The following XKR6 variants were observed in gnomAD, a reference collection of about 807,000 sequenced individuals.
XKR6 encodes the protein XK related 6.
XKR6 carries 22 observed loss-of-function variants against 56.7 expected under a neutral mutation model. That is an observed-to-expected ratio of 0.39 (90% CI 0.28 to 0.55). XKR6 has a LOEUF of 0.55. Ranked by LOEUF, XKR6 falls within the 20% of genes least tolerant of loss-of-function variation. The pLI is 0.66. For missense variants in XKR6, 852 were observed against 889.0 expected (o/e 0.96, Z 0.53); for synonymous variants, 524 against 387.8 (o/e 1.35, Z -4.13).
At chr8:11,090,104 C>A (rs1266856702) in intron 1 of XKR6, among the ~76,000 whole-genome samples, 1 of 152,158 alleles carries the variant, frequency 6.6e-6, no homozygotes, top group Non-Finnish European at 1.5e-5. Flanking sequence ...TATTTTCCCA[C>A]ACAGAGTCTT....
At chr8:11,098,615 T>G (rs1798350404) in intron 1 of XKR6, among the ~76,000 whole-genome samples, 1 of 152,238 alleles carries the variant, frequency 6.6e-6, no homozygotes, top group African/African-American at 2.4e-5. Context: ...TTGAATTATG[T>G]TCCTGTTTCC....
intron 1 of XKR6, among the ~76,000 whole-genome samples, chr8:11,107,062 G>T (rs1798706087): frequency 6.6e-6 from 1 of 151,792 alleles, no homozygotes; most frequent in African/African-American, 2.4e-5. Context: ...GAAAGAAGAT[G>T]GAACAAACTG....
intron 1 of XKR6, among the ~76,000 whole-genome samples, chr8:11,026,375 G>T (rs113362653): frequency 7.5e-6 from 1 of 132,872 alleles, no homozygotes; most frequent in South Asian, 2.5e-4. Context: ...TAAATGGTCT[G>T]GCCTACTACA....
intron 1 of XKR6, among the ~76,000 whole-genome samples, chr8:11,110,869 C>T (rs993016418): frequency 2.0e-5 from 3 of 151,718 alleles, no homozygotes; most frequent in Admixed American, 1.3e-4. Context: ...CGGAGTCTTG[C>T]TCTGTTGCCC....
chr8:11,045,004 C>G (rs111938779), intron 1 of XKR6, among the ~76,000 whole-genome samples: 2 of 151,240 alleles, frequency 1.3e-5, no homozygotes, highest in African/African-American at 4.9e-5. Flanking sequence ...AGCTCAACTC[C>G]AGTGATCTTT....
intron 1 of XKR6, among the ~76,000 whole-genome samples, chr8:10,966,461 C>T (rs1267226128): frequency 6.6e-6 from 1 of 152,104 alleles, no homozygotes; most frequent in Non-Finnish European, 1.5e-5. Flanking sequence ...ATCACGAGGT[C>T]AGGAGATCGA....
intron 2 of XKR6, among the ~76,000 whole-genome samples, chr8:10,913,483 C>A (rs1800468124): frequency 6.6e-6 from 1 of 152,134 alleles, no homozygotes; most frequent in Non-Finnish European, 1.5e-5. Context: ...TCAGCCAAAG[C>A]CTTGATAAGG....
chr8:10,992,613 G>A (rs1798019231), intron 1 of XKR6, among the ~76,000 whole-genome samples: 1 of 152,174 alleles, frequency 6.6e-6, no homozygotes, highest in Non-Finnish European at 1.5e-5. Flanking sequence ...TTATCATGAA[G>A]GAAGACCTAG....
At chr8:11,078,988 G>A (rs1329997385) in intron 1 of XKR6, among the ~76,000 whole-genome samples, 1 of 152,238 alleles carries the variant, frequency 6.6e-6, no homozygotes, top group African/African-American at 2.4e-5. Flanking sequence ...GACCACTCCG[G>A]GGCGAGGAAG....
intron 1 of XKR6, among the ~76,000 whole-genome samples, chr8:10,937,104 T>G (rs1175578833): frequency 3.4e-4 from 32 of 93,248 alleles, no homozygotes; most frequent in African/African-American, 1.3e-3. Flanking sequence ...TCATTTCTTT[T>G]TATTCTTTTT....
intron 1 of XKR6, among the ~76,000 whole-genome samples, chr8:11,069,258 A>G (rs1260223036): frequency 6.6e-6 from 1 of 151,476 alleles, no homozygotes; most frequent in Non-Finnish European, 1.5e-5. Flanking sequence ...AAAAAAATCT[A>G]CATTTGGAGG....
intron 1 of XKR6, among the ~76,000 whole-genome samples, chr8:11,103,683 GCTTTGGAGGGAGACTGAGATAAA>G (rs1198503604): frequency 6.6e-5 from 10 of 152,186 alleles, no homozygotes; most frequent in African/African-American, 2.4e-4. Flanking sequence ...AATGGAGCTT[GCTTTGGAGGGAGACTGAGATAAA>G]CTCCCTGCTT....
chr8:11,200,836 G>C lies in XKR6; in HGVS notation c.504C>G (p.Phe168Leu). Reference sequence around the variant, plus strand: ...GCACCAGCAGCGACGGCACCAGCACGAAGAAGAGGGTCAGCCCGAAGTAGA... The same window carrying C: ...GCACCAGCAGCGACGGCACCAGCACCAAGAAGAGGGTCAGCCCGAAGTAGA... ...DYVYFGLTLF[F>L]VLVPSLLVQS... Residue 168 changes from phenylalanine (F) to leucine (L), a missense_variant, in exon 1 of 3, where the codon TTC becomes TTG. Phe to Leu is a conservative substitution (Grantham distance 22). Transcript: ENST00000416569. The surrounding 1 kb of genome is among the most constrained non-coding windows in gnomAD (Gnocchi z 6.4). 6.2e-7 allele frequency: 1 copy of C among 1,611,970 alleles called. No individual in the cohort carries two copies. Among genetic ancestry groups the C allele is most frequent in the Non-Finnish European group, 8.5e-7 (1 of 1,179,508 alleles).
chr8:10,954,866 C>CTCT (rs1563309729), intron 1 of XKR6, among the ~76,000 whole-genome samples: 18 of 92,794 alleles, frequency 1.9e-4, no homozygotes, highest in Non-Finnish European at 3.0e-4. Context: ...ACTTCATTCT[C>CTCT]TTTTTTTTTT....
chr8:10,970,450 C>T (rs936936720), intron 1 of XKR6, among the ~76,000 whole-genome samples: 4 of 152,138 alleles, frequency 2.6e-5, no homozygotes, highest in Non-Finnish European at 5.9e-5. Flanking sequence ...TGGCACTGTC[C>T]TAAGCACCAA....
At chr8:11,053,848 G>A (rs1799615250) in intron 1 of XKR6, among the ~76,000 whole-genome samples, 1 of 152,166 alleles carries the variant, frequency 6.6e-6, no homozygotes. Context: ...AAGAGAAGGC[G>A]AGATATTACC....
At chr8:11,041,940 C>T (rs1033191632) in intron 1 of XKR6, among the ~76,000 whole-genome samples, 1 of 152,196 alleles carries the variant, frequency 6.6e-6, no homozygotes, top group Non-Finnish European at 1.5e-5. Context: ...CACATGTATA[C>T]ACACCCACAC....
intron 1 of XKR6, among the ~76,000 whole-genome samples, chr8:10,940,587 G>C (rs182234208): frequency 6.6e-6 from 1 of 152,126 alleles, no homozygotes; most frequent in Non-Finnish European, 1.5e-5. Context: ...ACCTGCAGAC[G>C]GCTGGTCCGG....
At chr8:11,170,854 T>C (rs933826276) in intron 1 of XKR6, among the ~76,000 whole-genome samples, 29 of 152,236 alleles carry the variant, frequency 1.9e-4, no homozygotes, top group African/African-American at 7.0e-4. Context: ...TAAGTCTTTG[T>C]AATGTTGGAG....
Sources: gnomAD v4.1 joint callset for allele counts (sites outside exome capture counted in the v4.1 genomes callset) on GRCh38, gnomAD v4.1.1 for gene constraint, Gnocchi (gnomAD v3.1) non-coding constraint, MANE v1.5 for transcripts, NCBI Gene and HGNC (gene_info 2026-07-23, HGNC 2026-07-21) for gene names.